The following MIPOL1 variants were observed in gnomAD, a reference collection of about 807,000 sequenced individuals.
MIPOL1 encodes mirror-image polydactyly gene 1 protein.
MIPOL1 carries 57 observed loss-of-function variants against 60.9 expected under a neutral mutation model. The ratio of observed to expected loss-of-function variants is 0.94; its 90% CI spans 0.76 to 1.17. The LOEUF is 1.17. Ranked by LOEUF, MIPOL1 falls within the 50% of genes most tolerant of loss-of-function variation. The probability of loss-of-function intolerance (pLI) is 0.00; values close to 1 mark genes in which losing one functional copy is unlikely to be tolerated. For synonymous variants in MIPOL1, 179 were observed against 168.8 expected (o/e 1.06, Z -0.47); for missense variants, 551 against 511.6 (o/e 1.08, Z -0.74).
intron 1 of MIPOL1, among the ~76,000 whole-genome samples, chr14:37,245,262 T>C (rs886315778): frequency 2.0e-5 from 3 of 152,152 alleles, no homozygotes; most frequent in African/African-American, 7.2e-5. Flanking sequence ...AAAAATTCTC[T>C]ATTAGAACTT....
intron 9 of MIPOL1, among the ~76,000 whole-genome samples, chr14:37,338,357 G>T (rs191796866): frequency 6.6e-6 from 1 of 150,716 alleles, no homozygotes; most frequent in African/African-American, 2.4e-5. Context: ...TGATCCGCTC[G>T]CCTTGGCCTC....
At chr14:37,412,494 A>G (rs115751166) in intron 10 of MIPOL1, among the ~76,000 whole-genome samples, 1,540 of 152,276 alleles carry the variant, frequency 0.01, 28 homozygotes, top group African/African-American at 0.034. Context: ...ATAATTGTAT[A>G]CAATAAGGAA....
At chr14:37,297,561 G>A (rs1355591965) in intron 7 of MIPOL1, among the ~76,000 whole-genome samples, 2 of 152,074 alleles carry the variant, frequency 1.3e-5, no homozygotes, top group Non-Finnish European at 2.9e-5. Flanking sequence ...AAACCCCATC[G>A]TCTCAGCCCA....
At chr14:37,351,514 C>G (rs1327899171) in intron 9 of MIPOL1, among the ~76,000 whole-genome samples, 2 of 151,522 alleles carry the variant, frequency 1.3e-5, no homozygotes, top group Non-Finnish European at 2.9e-5. Flanking sequence ...AACTAGTTTA[C>G]AGTCCCACCA....
At chr14:37,504,733 C>T (rs549424273) in intron 12 of MIPOL1, 2 of 152,034 alleles carry the variant, frequency 1.3e-5, no homozygotes, top group South Asian at 2.1e-4. Context: ...AAAGCTAGCA[C>T]AAGGTAAGAA....
intron 11 of MIPOL1, among the ~76,000 whole-genome samples, chr14:37,492,713 A>G (rs1239674858): frequency 6.6e-6 from 1 of 152,080 alleles, no homozygotes; most frequent in East Asian, 1.9e-4. Context: ...TTGAATCTTT[A>G]TCTTCTAAGT....
intron 10 of MIPOL1, among the ~76,000 whole-genome samples, chr14:37,372,365 T>A (rs1390633168): frequency 2.0e-5 from 3 of 152,154 alleles, no homozygotes; most frequent in Non-Finnish European, 2.9e-5. Context: ...TAACCAGAGA[T>A]CTTTTTCTAA....
intron 11 of MIPOL1, among the ~76,000 whole-genome samples, chr14:37,482,394 C>G (rs2153599534): frequency 6.6e-6 from 1 of 152,240 alleles, no homozygotes; most frequent in Admixed American, 6.5e-5. Flanking sequence ...GTCAGCATGG[C>G]TGTTGTATTA....
At chr14:37,514,629 T>G (rs1050601594) in intron 12 of MIPOL1, among the ~76,000 whole-genome samples, 1 of 152,008 alleles carries the variant, frequency 6.6e-6, no homozygotes, top group Non-Finnish European at 1.5e-5. Flanking sequence ...TACACTTTTT[T>G]TTTTTTTTGG....
chr14:37,439,624 C>T (rs1282502146), intron 11 of MIPOL1, among the ~76,000 whole-genome samples: 2 of 152,222 alleles, frequency 1.3e-5, no homozygotes, highest in Non-Finnish European at 2.9e-5. Flanking sequence ...GAACTCTACA[C>T]GTACGCATCA....
chr14:37,392,856 A>T (rs1005744884), intron 10 of MIPOL1, among the ~76,000 whole-genome samples: 2 of 152,202 alleles, frequency 1.3e-5, no homozygotes, highest in East Asian at 1.9e-4. Context: ...GTCTTGTGCA[A>T]CCTGGCTGCC....
intron 11 of MIPOL1, among the ~76,000 whole-genome samples, chr14:37,489,560 C>G (rs1315350481): frequency 6.6e-6 from 1 of 152,162 alleles, no homozygotes; most frequent in East Asian, 1.9e-4. Flanking sequence ...TCTTTTTCTG[C>G]TGGTTTCTCC....
At position 37,415,309 on chromosome 14, in the gene MIPOL1, A is replaced by G. The variant is rs541060702; in HGVS notation, c.937-7546A>G. Among the ~76,000 whole-genome samples, 9 of 152,238 alleles carry G rather than the reference A, an allele frequency of 5.9e-5. No homozygotes were observed. In the South Asian group the frequency reaches 1.7e-3, roughly 28 times the overall value. ...ATTTATTTAAATCAAATTAGATAAT[A>G]TAATTCACTGATAAAAATTAGCACA... On this transcript the variant is annotated intron_variant, in intron 10 of 12. Coordinates refer to ENST00000684589, the MANE Select transcript of MIPOL1 (RefSeq NM_001388067.1).
At chr14:37,465,578 T>G (rs1288652944) in intron 11 of MIPOL1, among the ~76,000 whole-genome samples, 2 of 152,152 alleles carry the variant, frequency 1.3e-5, no homozygotes, top group Non-Finnish European at 2.9e-5. Flanking sequence ...TTTCTTTATT[T>G]TTTCAATTTT....
At chr14:37,331,011 A>T (rs2089635579) in intron 9 of MIPOL1, among the ~76,000 whole-genome samples, 1 of 151,768 alleles carries the variant, frequency 6.6e-6, no homozygotes, top group South Asian at 2.1e-4. Context: ...GTGTGGATTT[A>T]TTTCTGGGTT....
At chr14:37,323,841 T>C (rs2088871417) in intron 9 of MIPOL1, among the ~76,000 whole-genome samples, 1 of 152,060 alleles carries the variant, frequency 6.6e-6, no homozygotes, top group South Asian at 2.1e-4. Context: ...TTCTAGAATT[T>C]TATGTAAGTG....
At chr14:37,252,293 A>G (rs1974246514) in intron 3 of MIPOL1, among the ~76,000 whole-genome samples, 1 of 151,914 alleles carries the variant, frequency 6.6e-6, no homozygotes, top group South Asian at 2.1e-4. Flanking sequence ...TAAATCAGGA[A>G]TCATTGTACT....
chr14:37,546,881 AC>A, intron 12 of MIPOL1, 23 bp from the exon 13 acceptor site: 1 of 1,594,566 alleles, frequency 6.3e-7, no homozygotes, highest in Non-Finnish European at 8.6e-7. Context: ...TCCCCTTCTC[AC>A]CCCCATCCCA....
chr14:37,526,369 CTT>C (rs1191140443), intron 12 of MIPOL1, among the ~76,000 whole-genome samples: 13 of 128,192 alleles, frequency 1.0e-4, no homozygotes, highest in East Asian at 2.2e-4. Flanking sequence ...TACTTCTTTT[CTT>C]TTTTTTTTTT....
Sources: allele counts gnomAD v4.1 joint callset (sites outside exome capture counted in the v4.1 genomes callset), GRCh38; gene constraint gnomAD v4.1.1; transcripts MANE v1.5; gene names NCBI Gene and HGNC (gene_info 2026-07-23, HGNC 2026-07-21).